Variants in KRT28 observed in about 807,000 individuals in gnomAD.
KRT28 encodes the protein keratin, type I cytoskeletal 28.
Under a neutral mutation model 48.1 loss-of-function variants are expected in KRT28, and 45 were observed. The observed-to-expected ratio is 0.94, with a 90% CI of 0.74 to 1.20. The LOEUF is 1.20. Ranked by LOEUF, KRT28 falls within the 50% of genes most tolerant of loss-of-function variation. The pLI is 0.00. For missense variants in KRT28, 571 were observed against 574.1 expected (o/e 0.99, Z 0.06); for synonymous variants, 228 against 227.4 (o/e 1.00, Z -0.03).
chr17:40,792,288 C>T lies in KRT28; in HGVS notation c.*139G>A. 1 of 606,540 alleles carries T rather than the reference C, an allele frequency of 1.6e-6. No homozygotes were observed. Among genetic ancestry groups the T allele is most frequent in the Non-Finnish European group, 2.6e-6 (1 of 384,484 alleles). The allele number at this position is 606,540 out of a possible 1,614,324, so 37.6% of individuals were successfully genotyped here. On this transcript the variant is annotated 3_prime_UTR_variant, in exon 8 of 8. Transcript: ENST00000306658. Reference sequence around the variant, plus strand: ...TTATTGGAAACAAACACTCAATATCCTGTAAAACTAAGAAAACAGGTATTT... The same window carrying T: ...TTATTGGAAACAAACACTCAATATCTTGTAAAACTAAGAAAACAGGTATTT...
chr17:40,799,567 C>G lies in KRT28; in HGVS notation c.327G>C (p.Glu109Asp), dbSNP rs748603714. The G allele has an allele frequency of 6.2e-7, 1 of 1,614,164 alleles. No homozygotes were observed. Among genetic ancestry groups the G allele is most frequent in the Non-Finnish European group, 8.5e-7 (1 of 1,180,028 alleles). ...SYLDNVRALEEANAELERKIK... is the reference protein window; with the variant it reads ...SYLDNVRALEDANAELERKIK... Reference sequence around the variant, plus strand: ...TTTTTCTCTCTAATTCAGCATTTGCCTCCTCCAGAGCTCGCACATTATCCA... The same window carrying G: ...TTTTTCTCTCTAATTCAGCATTTGCGTCCTCCAGAGCTCGCACATTATCCA... Residue 109 changes from glutamate (E) to aspartate (D), a missense_variant, in exon 1 of 8, where the codon GAG becomes GAC. Physicochemically the swap from Glu to Asp is conservative, Grantham distance 45. Coordinates refer to ENST00000306658, the MANE Select transcript of KRT28 (RefSeq NM_181535.3).
At chr17:40,797,892 C>T (rs1904652958) in intron 3 of KRT28, among the ~76,000 whole-genome samples, 1 of 152,118 alleles carries the variant, frequency 6.6e-6, no homozygotes, top group Non-Finnish European at 1.5e-5. Flanking sequence ...GAGAGTTACT[C>T]AACATATAGT....
In KRT28 at chr17:40,798,402, A is replaced by G; in HGVS notation, c.534-11T>C. On this transcript the variant is annotated splice_polypyrimidine_tract_variant and intron_variant, in intron 2 of 7. Coordinates refer to ENST00000306658, the MANE Select transcript of KRT28 (RefSeq NM_181535.3). ...AGCTCATTTTCATACCTTGGGGGGC[A>G]TTTAAGTGAATTTCAGTGCCAGTAA... The G allele has an allele frequency of 6.3e-7, 1 of 1,588,764 alleles. No individual in the cohort carries two copies. Among genetic ancestry groups the G allele is most frequent in the South Asian group, 1.1e-5 (1 of 90,518 alleles).
intron 5 of KRT28, among the ~76,000 whole-genome samples, chr17:40,796,616 G>T (rs1363373159): frequency 1.3e-5 from 2 of 152,194 alleles, no homozygotes; most frequent in African/African-American, 4.8e-5. Flanking sequence ...CAATATTGCT[G>T]CTGTTTGTTT....
At chr17:40,799,315 G>A (rs1904693077) in intron 1 of KRT28, 129 bp downstream of exon 1, 2 of 791,530 alleles carry the variant, frequency 2.5e-6, no homozygotes, top group East Asian at 2.7e-5. Flanking sequence ...TGAATAGTAG[G>A]AAGAATTGTT....
intron 7 of KRT28, among the ~76,000 whole-genome samples, chr17:40,792,930 T>C (rs918566892): frequency 7.2e-4 from 109 of 152,134 alleles, no homozygotes; most frequent in African/African-American, 2.5e-3. Context: ...TGAAACTCCG[T>C]CTCTATTAAA....
rs770873810 is a variant in KRT28, at chr17:40,792,575, A to G, written c.1253-6T>C. ...CAGTGTGGTTTTGGATAAATCTAGA[A>G]ATAAAACATAGGCATACATATATTC... is the stretch of plus-strand genomic sequence containing the variant. On this transcript the variant is annotated splice_region_variant and splice_polypyrimidine_tract_variant and intron_variant, in intron 7 of 7. Transcript: ENST00000306658. The G allele has an allele frequency of 6.2e-7, 1 of 1,601,984 alleles. No homozygotes were observed.
intron 7 of KRT28, 144 bp from the exon 8 acceptor site, chr17:40,792,713 C>T: frequency 1.6e-6 from 1 of 631,674 alleles, no homozygotes; most frequent in Non-Finnish European, 2.6e-6. Flanking sequence ...ATAGTTTTAG[C>T]CACTTGATAC....
Position 40,792,554 on chromosome 17 carries a change from G to A in KRT28, c.1268C>T (p.Thr423Ile). The change falls in exon 8 of 8, where the codon ACA becomes ATA. Residue 423 changes from threonine (T) to isoleucine (I), a missense_variant. Transcript: ENST00000306658. ...CTCTTCAACCACTGTCTTTACCAGT[G>A]TGGTTTTGGATAAATCTAGAAATAA... is the stretch of plus-strand genomic sequence containing the variant. ...GNSSKDLSKT[T>I]LVKTVVEELD... 1 of 1,607,788 alleles carries A rather than the reference G, an allele frequency of 6.2e-7. No individual in the cohort carries two copies. Among genetic ancestry groups the A allele is most frequent in the Non-Finnish European group, 8.5e-7 (1 of 1,177,882 alleles).
chr17:40,793,793 GA>G, intron 6 of KRT28, 35 bp downstream of exon 6: 1 of 1,603,828 alleles, frequency 6.2e-7, no homozygotes, highest in Non-Finnish European at 8.5e-7. Flanking sequence ...TAGCTTAAAA[GA>G]GGTAAAAACT....
rs768613522 is a variant in KRT28 at position 40,793,969 on chromosome 17, G to A, written c.1056C>T (p.Ile352=). 13 of 1,613,822 alleles carry A rather than the reference G, an allele frequency of 8.1e-6. No individual in the cohort carries two copies. The South Asian group carries it at 8.8e-5, about 11-fold the overall frequency. The part of the protein sequence containing the change: ...CTQLAQIQAQ[I]GALEEQLHQV... ...GGTGCAGCTGCTCCTCCAGGGCCCC[G>A]ATCTGAGCCTGGATCTGCGCCAGCT... is the stretch of plus-strand genomic sequence containing the variant. Residue 352 remains isoleucine (I), a synonymous_variant, in exon 6 of 8, where the codon ATC becomes ATT. Coordinates refer to ENST00000306658, the MANE Select transcript of KRT28 (RefSeq NM_181535.3).
intron 6 of KRT28, 65 bp downstream of exon 6, chr17:40,793,764 A>G (rs960998514): frequency 6.7e-7 from 1 of 1,485,660 alleles, no homozygotes. Context: ...ATGGAAGGCT[A>G]ATGGGCAGCC....
intron 5 of KRT28, among the ~76,000 whole-genome samples, chr17:40,795,591 A>C (rs1467481658): frequency 6.6e-6 from 1 of 152,234 alleles, no homozygotes; most frequent in Admixed American, 6.5e-5. Flanking sequence ...TCAGGGATGT[A>C]AGTTAGGTAC....
In KRT28 at chr17:40,798,358, T is replaced by C. The variant is rs1597808667; in HGVS notation, c.567A>G (p.Val189=). The stretch of plus-strand genomic sequence containing the variant: ...GCCGTAATCCGTTGATGTCGGCCTC[T>C]ACGTTTTGGTGAAGGGTGAGCTCAT... ...YENELTLHQN[V]EADINGLRRV... The change falls in exon 3 of 8, where the codon GTA becomes GTG. Residue 189 remains valine (V), a synonymous_variant. Coordinates refer to ENST00000306658, the MANE Select transcript of KRT28 (RefSeq NM_181535.3). 1.2e-6 allele frequency: 2 copies of C among 1,611,902 alleles called. No individual in the cohort carries two copies. The highest frequency in any genetic ancestry group is 4.5e-5 in the East Asian group (2 of 44,856).
At chr17:40,798,120 G>A (rs1252923565) in intron 3 of KRT28, 115 bp downstream of exon 3, 7 of 1,017,788 alleles carry the variant, frequency 6.9e-6, no homozygotes, top group Admixed American at 2.2e-5. Context: ...GTCTGTATCC[G>A]TTGGCAAATT....
rs1597808067 is a variant in KRT28 at position 40,796,909 on chromosome 17, C to T, written c.978+7G>A. On this transcript the variant is annotated splice_region_variant and intron_variant, in intron 5 of 7. Transcript: ENST00000306658. The stretch of plus-strand genomic sequence containing the variant: ...CAGGATCCAGGCTGACCTTCGCTGT[C>T]ACCTACCGTGGCCATCAGGGACTGC... The T allele has an allele frequency of 6.3e-7, 1 of 1,589,766 alleles. No individual in the cohort carries two copies. Among genetic ancestry groups the T allele is most frequent in the East Asian group, 2.2e-5 (1 of 44,714 alleles).
chr17:40,795,673 G>A (rs1312271366), intron 5 of KRT28, among the ~76,000 whole-genome samples: 3 of 152,158 alleles, frequency 2.0e-5, no homozygotes, highest in East Asian at 1.9e-4. Flanking sequence ...ATTATCCTAT[G>A]AGCCCAAATT....
In KRT28 at chr17:40,794,034, C is replaced by A. The variant is rs778865281; in HGVS notation, c.991G>T (p.Glu331Ter). 8.7e-6 allele frequency: 14 copies of A among 1,613,954 alleles called. No individual in the cohort carries two copies. Among genetic ancestry groups the A allele is most frequent in the Non-Finnish European group, 1.0e-5 (12 of 1,179,864 alleles). Reference sequence around the variant, plus strand: ...CTCTCGGTCTCTGTCAAGGAGCACTCCAGGGAGTGTTTCTGAGGACATCAA... The same window carrying A: ...CTCTCGGTCTCTGTCAAGGAGCACTACAGGGAGTGTTTCTGAGGACATCAA... ...QSLMATKHSL[E>*]CSLTETESNY... The change falls in exon 6 of 8, where the codon GAG becomes TAG. Residue 331 changes from glutamate (E) to a stop codon, truncating the protein, a stop_gained. Transcript: ENST00000306658. LOFTEE classifies it high-confidence loss of function.
rs755860667 is a variant in KRT28 at position 40,799,823 on chromosome 17, AG to A, written c.70del (p.Leu24SerfsTer65). ...GCCTGCAAAGCCTGCACCTCCATTGAGGGGTCTGACAGATCCAGCTCCAGAC... is the reference window on the plus strand; with the variant it reads ...GCCTGCAAAGCCTGCACCTCCATTGAGGGTCTGACAGATCCAGCTCCAGAC... ...LRSGAGSVRP[L>X]NGGAGFAGSS... is the part of the protein sequence containing the mutation. On this transcript the variant is annotated frameshift_variant, in exon 1 of 8. Coordinates refer to ENST00000306658, the MANE Select transcript of KRT28 (RefSeq NM_181535.3). LOFTEE classifies it high-confidence loss of function. The A allele has an allele frequency of 6.2e-7, 1 of 1,614,092 alleles. No individual in the cohort carries two copies. Among genetic ancestry groups the A allele is most frequent in the South Asian group, 1.1e-5 (1 of 91,068 alleles).
Sources: gnomAD v4.1 joint callset for allele counts (sites outside exome capture counted in the v4.1 genomes callset) on GRCh38, gnomAD v4.1.1 for gene constraint, MANE v1.5 for transcripts, NCBI Gene and HGNC (gene_info 2026-07-23, HGNC 2026-07-21) for gene names.